CDH12: variants seen among roughly 807,000 people sequenced by gnomAD.
CDH12 encodes the protein cadherin-12.
CDH12 carries 41 observed loss-of-function variants against 74.1 expected under a neutral mutation model. That is an observed-to-expected ratio of 0.55 (90% CI 0.43 to 0.72). CDH12 has a LOEUF of 0.72. Ranked by LOEUF, CDH12 falls within the 30% of genes least tolerant of loss-of-function variation. CDH12 has a pLI of 0.00. For missense variants in CDH12, 945 were observed against 977.2 expected (o/e 0.97, Z 0.44); for synonymous variants, 399 against 355.0 (o/e 1.12, Z -1.39).
At chr5:22,388,454 GAGATCATAA>G (rs1278645678) in intron 3 of CDH12, among the ~76,000 whole-genome samples, 2 of 151,970 alleles carry the variant, frequency 1.3e-5, no homozygotes, top group African/African-American at 4.8e-5. Context: ...ACAGTTGCCT[GAGATCATAA>G]AGATTAAGAA....
chr5:21,964,529 T>C (rs1458625686), intron 6 of CDH12, among the ~76,000 whole-genome samples: 1 of 152,070 alleles, frequency 6.6e-6, no homozygotes. Flanking sequence ...AAGTCTTTCT[T>C]CTCCTGCTAG....
At chr5:22,583,217 G>A (rs1373357324) in intron 1 of CDH12, among the ~76,000 whole-genome samples, 1 of 152,134 alleles carries the variant, frequency 6.6e-6, no homozygotes, top group Non-Finnish European at 1.5e-5. Flanking sequence ...CCAGTTGTCA[G>A]CAATGTGTTG....
In CDH12 at chr5:22,251,463, C is replaced by G. The variant is rs187144488; in HGVS notation, c.-332-38820G>C. 1.1e-3 allele frequency among the ~76,000 whole-genome samples: 163 copies of G among 152,264 alleles called. 1 individual carries two copies. The highest frequency in any genetic ancestry group is 3.8e-3 in the African/African-American group (156 of 41,544). On this transcript the variant is annotated intron_variant, in intron 3 of 14. Transcript: ENST00000382254. ...AATCTTGAGAAATAAAGTGGACACACAGGAAATTTTTCTTATCTCTTATCT... is the reference window on the plus strand; with the variant it reads ...AATCTTGAGAAATAAAGTGGACACAGAGGAAATTTTTCTTATCTCTTATCT...
chr5:21,974,371 A>T (rs1036120401), intron 6 of CDH12, among the ~76,000 whole-genome samples: 1 of 152,192 alleles, frequency 6.6e-6, no homozygotes, highest in Non-Finnish European at 1.5e-5. Context: ...GGAATTCTTA[A>T]CTTACTGACC....
At chr5:21,868,398 T>C (rs1463157182) in intron 6 of CDH12, among the ~76,000 whole-genome samples, 4 of 152,076 alleles carry the variant, frequency 2.6e-5, no homozygotes, top group Non-Finnish European at 4.4e-5. Context: ...AACCAAACTG[T>C]AGGGCCATCA....
intron 11 of CDH12, among the ~76,000 whole-genome samples, chr5:21,776,321 TA>T (rs1304829649): frequency 6.6e-6 from 1 of 152,154 alleles, no homozygotes; most frequent in Non-Finnish European, 1.5e-5. Context: ...AGATTCACCA[TA>T]AATGGATTCC....
chr5:22,186,843 G>T (rs1298832438), intron 4 of CDH12, among the ~76,000 whole-genome samples: 1 of 152,060 alleles, frequency 6.6e-6, no homozygotes, highest in African/African-American at 2.4e-5. Flanking sequence ...GATAGAAAAT[G>T]GAAAATGTAT....
At chr5:21,964,584 A>AATAAG (rs1756501026) in intron 6 of CDH12, among the ~76,000 whole-genome samples, 1 of 151,986 alleles carries the variant, frequency 6.6e-6, no homozygotes, top group Non-Finnish European at 1.5e-5. Context: ...AATAAAATAA[A>AATAAG]AAATAAAAAG....
At chr5:22,284,661 A>G (rs1737056478) in intron 3 of CDH12, among the ~76,000 whole-genome samples, 2 of 152,184 alleles carry the variant, frequency 1.3e-5, no homozygotes, top group South Asian at 4.1e-4. Flanking sequence ...AAGTTTTGTC[A>G]TATTCTGTTG....
chr5:22,165,130 A>C (rs1273495878), intron 4 of CDH12, among the ~76,000 whole-genome samples: 1 of 151,958 alleles, frequency 6.6e-6, no homozygotes, highest in East Asian at 1.9e-4. Context: ...GCTGGTTAAA[A>C]TGTTGGTCTG....
chr5:22,362,080 G>GT lies in CDH12; in HGVS notation c.-333+43176dup, dbSNP rs200709863. ...GCAACAAAAGCCAAAAGTGACAAAT[G>GT]TGATCTAATTAAACTAAAGACCTTC... is the stretch of plus-strand genomic sequence containing the variant. On this transcript the variant is annotated intron_variant, in intron 3 of 14. Coordinates refer to ENST00000382254, the MANE Select transcript of CDH12 (RefSeq NM_004061.5). 8.4e-3 allele frequency among the ~76,000 whole-genome samples: 1,276 copies of GT among 152,264 alleles called. 15 individuals are homozygous for GT. Among genetic ancestry groups the GT allele is most frequent in the African/African-American group, 0.029 (1,219 of 41,538 alleles).
At chr5:22,585,390 A>C (rs1489260624) in intron 1 of CDH12, among the ~76,000 whole-genome samples, 2 of 152,004 alleles carry the variant, frequency 1.3e-5, no homozygotes, top group Non-Finnish European at 2.9e-5. Context: ...TTTTTTACCT[A>C]TACTGTTTGA....
At chr5:22,135,076 A>G (rs1440106706) in intron 4 of CDH12, among the ~76,000 whole-genome samples, 1 of 151,994 alleles carries the variant, frequency 6.6e-6, no homozygotes, top group East Asian at 1.9e-4. Context: ...TTGCACCATA[A>G]AAGAAAGTAG....
intron 3 of CDH12, among the ~76,000 whole-genome samples, chr5:22,298,689 G>A (rs528838014): frequency 6.6e-6 from 1 of 152,144 alleles, no homozygotes; most frequent in East Asian, 1.9e-4. Flanking sequence ...AGTGATGACA[G>A]AGAGATGTAA....
At chr5:21,769,497 C>G (rs1296627398) in intron 11 of CDH12, among the ~76,000 whole-genome samples, 1 of 152,046 alleles carries the variant, frequency 6.6e-6, no homozygotes, top group Non-Finnish European at 1.5e-5. Context: ...AATTACCCTT[C>G]TATACTCAAA....
intron 5 of CDH12, among the ~76,000 whole-genome samples, chr5:22,028,011 T>G (rs1361068542): frequency 2.0e-5 from 3 of 152,186 alleles, no homozygotes; most frequent in African/African-American, 4.8e-5. Flanking sequence ...TCTGGTATGT[T>G]GTGTCTTTGT....
intron 2 of CDH12, among the ~76,000 whole-genome samples, chr5:22,444,829 T>C (rs543054868): frequency 1.3e-5 from 2 of 152,158 alleles, no homozygotes; most frequent in Middle Eastern, 3.4e-3. Flanking sequence ...TATATTAGTT[T>C]TTCCTTCTCA....
intron 5 of CDH12, among the ~76,000 whole-genome samples, chr5:22,060,248 C>T (rs1290937135): frequency 2.8e-5 from 4 of 145,426 alleles, no homozygotes; most frequent in African/African-American, 1.0e-4. Context: ...TGTTCTCACT[C>T]ATAAGTGGGA....
intron 1 of CDH12, among the ~76,000 whole-genome samples, chr5:22,528,122 G>T (rs141997199): frequency 6.1e-4 from 93 of 152,196 alleles, no homozygotes; most frequent in African/African-American, 2.2e-3. Flanking sequence ...ATTAGTTAGA[G>T]GCCTAGAAGC....
Sources: gnomAD v4.1 joint callset for allele counts (sites outside exome capture counted in the v4.1 genomes callset) on GRCh38, gnomAD v4.1.1 for gene constraint, MANE v1.5 for transcripts, NCBI Gene and HGNC (gene_info 2026-07-23, HGNC 2026-07-21) for gene names.